The following MPP4 variants were observed in gnomAD, a reference collection of about 807,000 sequenced individuals.
The protein encoded by MPP4 is MAGUK p55 scaffold protein 4.
In MPP4, 91 loss-of-function variants were observed where a neutral mutation model predicts 98.3. That is an observed-to-expected ratio of 0.93 (90% CI 0.78 to 1.10). The LOEUF (loss-of-function observed/expected upper bound fraction) is 1.10, where lower values mean the gene tolerates loss of function less well. MPP4 is among the 50% of genes least tolerant of loss of function. The pLI is 0.00. For missense variants in MPP4, 744 were observed against 792.9 expected (o/e 0.94, Z 0.74); for synonymous variants, 261 against 271.8 (o/e 0.96, Z 0.39).
At chr2:201,693,067 C>T (rs748997470) in intron 2 of MPP4, 38 bp from the exon 3 acceptor site, 46 of 1,593,164 alleles carry the variant, frequency 2.9e-5, no homozygotes, top group African/African-American at 2.7e-4. Flanking sequence ...GTGGCAGGTG[C>T]GGGTGTAAAT....
chr2:201,691,001 C>T (rs754954892), intron 3 of MPP4, among the ~76,000 whole-genome samples: 6 of 152,144 alleles, frequency 3.9e-5, no homozygotes, highest in Non-Finnish European at 7.4e-5. Flanking sequence ...CCCAAGGGGC[C>T]GGCTGAGCCC....
At chr2:201,658,832 C>T (rs1369663378) in intron 15 of MPP4, among the ~76,000 whole-genome samples, 1 of 152,104 alleles carries the variant, frequency 6.6e-6, no homozygotes, top group Non-Finnish European at 1.5e-5. Flanking sequence ...AAAATACATA[C>T]CCAGTTCTTA....
At position 201,685,145 on chromosome 2, in the gene MPP4, C is replaced by T. The variant is rs1189013656; in HGVS notation, c.493G>A (p.Gly165Arg). 1 of 1,608,954 alleles carries T rather than the reference C, an allele frequency of 6.2e-7. No homozygotes were observed. Among genetic ancestry groups the T allele is most frequent in the Non-Finnish European group, 8.5e-7 (1 of 1,177,886 alleles). The change falls in exon 7 of 22, where the codon GGA becomes AGA. Residue 165 changes from glycine (G) to arginine (R), a missense_variant and splice_region_variant. By Grantham distance (125) the Gly-to-Arg change is moderately radical. Coordinates refer to ENST00000409474, the MANE Select transcript of MPP4 (RefSeq NM_033066.3). ...VCLVKNQQPL[G>R]ATIKRHEMTG... ...ATCTCGTGGCGCTTGATGGTGGCTC[C>T]CTGAAGAGAGAATAGACGAGATCCC...
intron 8 of MPP4, among the ~76,000 whole-genome samples, chr2:201,682,134 G>A (rs1002564688): frequency 5.3e-5 from 8 of 152,130 alleles, no homozygotes; most frequent in Admixed American, 2.0e-4. Context: ...TTAAGACCCC[G>A]TTTGTACTCA....
intron 19 of MPP4, 37 bp from the exon 20 acceptor site, chr2:201,649,721 A>G: frequency 7.1e-7 from 1 of 1,418,364 alleles, no homozygotes; most frequent in Non-Finnish European, 9.8e-7. Context: ...AACACTTTCT[A>G]CAAGGAAAAT....
At chr2:201,694,608 C>CTTTTTTTTTTTTTTTTTT (rs777556505) in intron 1 of MPP4, among the ~76,000 whole-genome samples, 1 of 78,870 alleles carries the variant, frequency 1.3e-5, no homozygotes, top group African/African-American at 5.2e-5. Context: ...TTCTTTTTCC[C>CTTTTTTTTTTTTTTTTTT]TTTTTTTTTT....
At chr2:201,662,829 A>G (rs1340778170) in intron 14 of MPP4, among the ~76,000 whole-genome samples, 1 of 152,172 alleles carries the variant, frequency 6.6e-6, no homozygotes, top group Non-Finnish European at 1.5e-5. Context: ...ATGGGAGAAA[A>G]TGAGGAAAAA....
At chr2:201,647,026 T>TA (rs1187927765) in intron 21 of MPP4, among the ~76,000 whole-genome samples, 1 of 152,120 alleles carries the variant, frequency 6.6e-6, no homozygotes, top group Non-Finnish European at 1.5e-5. Context: ...CATACACACA[T>TA]AAAAATTCAT....
intron 4 of MPP4, among the ~76,000 whole-genome samples, chr2:201,689,984 C>T (rs577439286): frequency 4.6e-5 from 7 of 152,216 alleles, no homozygotes; most frequent in South Asian, 4.2e-4. Flanking sequence ...AATGAACACA[C>T]GCTAAAAATG....
At chr2:201,649,539 A>G (rs573227215) in intron 20 of MPP4, 37 bp downstream of exon 20, 2 of 1,464,074 alleles carry the variant, frequency 1.4e-6, no homozygotes, top group South Asian at 2.4e-5. Flanking sequence ...ATACGCATTC[A>G]TTGTTTGGGG....
chr2:201,650,905 G>T, intron 18 of MPP4: 1 of 985,354 alleles, frequency 1.0e-6, no homozygotes, highest in East Asian at 1.1e-4. Context: ...AATAGTGCCA[G>T]GTTGTATAGA....
At chr2:201,689,354 C>T (rs907993451) in intron 4 of MPP4, among the ~76,000 whole-genome samples, 3 of 152,096 alleles carry the variant, frequency 2.0e-5, no homozygotes, top group South Asian at 2.1e-4. Flanking sequence ...AAAAAAAGAG[C>T]TTTGGTGTTT....
rs1369340004 is a variant in MPP4 at position 201,645,155 on chromosome 2, A to G, written c.*55T>C. The G allele has an allele frequency of 3.9e-5, 56 of 1,434,612 alleles. No individual in the cohort carries two copies. The highest frequency in any genetic ancestry group is 1.8e-4 in the Middle Eastern group (1 of 5,422). The allele number at this position is 1,434,612 out of a possible 1,614,324, so 88.9% of individuals were successfully genotyped here. A position where few individuals can be genotyped will look rare whatever the true frequency, so the allele number is the denominator to read the frequency against. Reference sequence around the variant, plus strand: ...AATACTGTTGTTTTAGATTGCAACTATGGATCGCTGTATCAAGGGTACAGT... The same window carrying G: ...AATACTGTTGTTTTAGATTGCAACTGTGGATCGCTGTATCAAGGGTACAGT... On this transcript the variant is annotated 3_prime_UTR_variant, in exon 22 of 22. Coordinates refer to ENST00000409474, the MANE Select transcript of MPP4 (RefSeq NM_033066.3).
rs1012747146 is a variant in MPP4 at position 201,682,757 on chromosome 2, C to A, written c.660+74G>T. ...TCCCCGGTACATCCCAGTGCACACA[C>A]GTGGGCTTGATGGTCCCAGTTCAGC... On this transcript the variant is annotated intron_variant, in intron 8 of 21. Transcript: ENST00000409474. The A allele has an allele frequency of 2.4e-5, 31 of 1,303,966 alleles. No individual in the cohort carries two copies. In the South Asian group the frequency reaches 3.3e-4, roughly 14 times the overall value. 80.8% of individuals were successfully genotyped at this position (1,303,966 alleles called of 1,614,324 possible). A position where few individuals can be genotyped will look rare whatever the true frequency, so the allele number is the denominator to read the frequency against.
intron 11 of MPP4, 96 bp downstream of exon 11, chr2:201,675,111 A>G: frequency 7.7e-7 from 1 of 1,297,106 alleles, no homozygotes; most frequent in South Asian, 1.3e-5. Flanking sequence ...CCCATGTGGC[A>G]TGGCCAGCCT....
chr2:201,656,432 C>A (rs1026656316), intron 16 of MPP4, 64 bp from the exon 17 acceptor site: 5 of 1,411,432 alleles, frequency 3.5e-6, no homozygotes, highest in Non-Finnish European at 4.8e-6. Context: ...AGCTTCACAC[C>A]TGATGAAATA....
intron 12 of MPP4, among the ~76,000 whole-genome samples, chr2:201,669,350 C>T (rs1000522402): frequency 2.0e-5 from 3 of 152,098 alleles, no homozygotes; most frequent in Non-Finnish European, 4.4e-5. Flanking sequence ...TAATAATTTT[C>T]ACTATAGTTT....
chr2:201,690,763 T>G (rs1015419636), intron 3 of MPP4, among the ~76,000 whole-genome samples: 1 of 152,186 alleles, frequency 6.6e-6, no homozygotes, highest in African/African-American at 2.4e-5. Flanking sequence ...CACAAACGCT[T>G]CTCTGTACTC....
At chr2:201,659,798 C>T (rs1023750771) in intron 15 of MPP4, among the ~76,000 whole-genome samples, 1 of 152,232 alleles carries the variant, frequency 6.6e-6, no homozygotes, top group South Asian at 2.1e-4. Context: ...CATACCACTG[C>T]ACTCCAGTCT....
Sources: allele counts gnomAD v4.1 joint callset (sites outside exome capture counted in the v4.1 genomes callset), GRCh38; gene constraint gnomAD v4.1.1; transcripts MANE v1.5; gene names NCBI Gene and HGNC (gene_info 2026-07-23, HGNC 2026-07-21).